Variants in OGDHL observed in about 807,000 individuals in gnomAD.
OGDHL encodes oxoglutarate dehydrogenase L, also known as 2-oxoglutarate dehydrogenase-like, mitochondrial.
A neutral mutation model predicts 109.6 loss-of-function variants in OGDHL; 79 were observed. The ratio of observed to expected loss-of-function variants is 0.72; its 90% CI spans 0.60 to 0.87. OGDHL has a LOEUF of 0.87. Among genes scored for constraint, OGDHL ranks in the 40% least tolerant of loss-of-function variants. The probability of loss-of-function intolerance (pLI) is 0.00; values close to 1 mark genes in which losing one functional copy is unlikely to be tolerated. For missense variants in OGDHL, 1,275 were observed against 1,362.2 expected (o/e 0.94, Z 1.01); for synonymous variants, 528 against 537.2 (o/e 0.98, Z 0.24).
At chr10:49,755,776 T>C (rs576439739) in intron 3 of OGDHL, among the ~76,000 whole-genome samples, 3 of 152,356 alleles carry the variant, frequency 2.0e-5, no homozygotes, top group Admixed American at 2.0e-4. Flanking sequence ...GATCTGTGCT[T>C]AGAAGATAAG....
intron 8 of OGDHL, among the ~76,000 whole-genome samples, chr10:49,748,814 T>C (rs1021564584): frequency 6.8e-6 from 1 of 146,894 alleles, no homozygotes; most frequent in Non-Finnish European, 1.5e-5. Context: ...GCAGGAGAGA[T>C]AGTCCTGAGG....
chr10:49,738,136 G>T (rs1841353146), intron 18 of OGDHL, 55 bp downstream of exon 18: 1 of 1,613,908 alleles, frequency 6.2e-7, no homozygotes, highest in Admixed American at 1.7e-5. Flanking sequence ...TGGACCCCTA[G>T]CCCTGTGGGC....
At chr10:49,753,543 C>T (rs1236147562) in intron 3 of OGDHL, among the ~76,000 whole-genome samples, 1 of 152,060 alleles carries the variant, frequency 6.6e-6, no homozygotes. Context: ...TAAAGACAAA[C>T]AGAAAAAAAT....
Position 49,739,857 on chromosome 10 carries a change from T to C in OGDHL, c.2141-18A>G, listed in dbSNP as rs1011588253. On this transcript the variant is annotated intron_variant, in intron 16 of 22. Transcript: ENST00000374103. The stretch of plus-strand genomic sequence containing the variant: ...CTCAAAGCCTAAACAGAAGACAAGA[T>C]AGAGCTTGCTGCACACAGTCACCAA... The C allele has an allele frequency of 1.2e-6, 2 of 1,605,890 alleles. No individual in the cohort carries two copies. Among genetic ancestry groups the C allele is most frequent in the East Asian group, 2.2e-5 (1 of 44,722 alleles).
chr10:49,750,345 G>A (rs767658105), intron 7 of OGDHL, among the ~76,000 whole-genome samples: 9 of 152,102 alleles, frequency 5.9e-5, no homozygotes, highest in Admixed American at 3.9e-4. Flanking sequence ...CAGAGGTAAC[G>A]CCCCACTGCT....
At chr10:49,747,255 G>C in intron 8 of OGDHL, 47 bp from the exon 9 acceptor site, 1 of 1,591,966 alleles carries the variant, frequency 6.3e-7, no homozygotes, top group Non-Finnish European at 8.6e-7. Flanking sequence ...TCCCACATCA[G>C]ACAGGCAGAT....
intron 1 of OGDHL, among the ~76,000 whole-genome samples, chr10:49,761,620 C>T (rs1382658348): frequency 6.6e-6 from 1 of 152,184 alleles, no homozygotes; most frequent in Non-Finnish European, 1.5e-5. Context: ...GGCCGAGGGG[C>T]GTCAAAGGGT....
At chr10:49,742,748 AG>A in intron 15 of OGDHL, 79 bp downstream of exon 15, 2 of 1,501,410 alleles carry the variant, frequency 1.3e-6, no homozygotes, top group South Asian at 2.6e-5. Context: ...ACCCCAACAA[AG>A]GCCCCCTCGG....
chr10:49,751,896 G>A lies in OGDHL; in HGVS notation c.680C>T (p.Thr227Ile), dbSNP rs779521749. 6.2e-7 allele frequency: 1 copy of A among 1,614,168 alleles called. No homozygotes were observed. The highest frequency in any genetic ancestry group is 1.7e-5 in the Admixed American group (1 of 60,018). The change falls in exon 6 of 23, where the codon ACC becomes ATC. Residue 227 changes from threonine (T) to isoleucine (I), a missense_variant. Coordinates refer to ENST00000374103, the MANE Select transcript of OGDHL (RefSeq NM_018245.3). ...GCTGGAGAACTGCATCACACCAGGG[G>A]TCTCAAACTTCTGCCGGATCCACTG... ...QCQWIRQKFE[T>I]PGVMQFSSEE...
intron 16 of OGDHL, among the ~76,000 whole-genome samples, chr10:49,740,369 TGA>T (rs1564527533): frequency 6.6e-6 from 1 of 152,052 alleles, no homozygotes; most frequent in Non-Finnish European, 1.5e-5. Flanking sequence ...CAAAGGAATG[TGA>T]GAGGGCTGGG....
At chr10:49,744,232 G>C in intron 13 of OGDHL, 110 bp from the exon 14 acceptor site, 1 of 1,392,622 alleles carries the variant, frequency 7.2e-7, no homozygotes, top group South Asian at 1.4e-5. Context: ...AACTCCACCG[G>C]CACTCGGACT....
chr10:49,740,655 C>T, intron 16 of OGDHL, 55 bp downstream of exon 16: 1 of 1,582,702 alleles, frequency 6.3e-7, no homozygotes, highest in East Asian at 2.3e-5. Context: ...CCCAGCCCAT[C>T]TCTTGTCCCC....
rs755006723 is a variant in OGDHL at position 49,744,049 on chromosome 10, G to A, written c.1806C>T (p.Thr602=). 2.5e-6 allele frequency: 4 copies of A among 1,614,128 alleles called. No homozygotes were observed. The South Asian group carries it at 3.3e-5, about 13-fold the overall frequency. The change falls in exon 14 of 23, where the codon ACC becomes ACT. Residue 602 remains threonine, a synonymous_variant. Transcript: ENST00000374103. The part of the protein sequence containing the change: ...PATGIPEDML[T]HIGSVASSVP... ...CAGAGCTGGCCACACTGCCGATGTG[G>A]GTGAGCATGTCCTCAGGGATCCCCG...
rs750746877 is a variant in OGDHL at position 49,746,909 on chromosome 10, G to A, written c.1168-31C>T. The A allele has an allele frequency of 3.7e-5, 59 of 1,613,572 alleles. No homozygotes were observed. The South Asian group carries it at 3.7e-4, about 10-fold the overall frequency. ...GGGCAGGTGTGAGCCAGGAGGGGCT[G>A]CGTGCCCCAGCCCATGTAGCCCAGC... On this transcript the variant is annotated intron_variant, in intron 9 of 22. Coordinates refer to ENST00000374103, the MANE Select transcript of OGDHL (RefSeq NM_018245.3).
At chr10:49,754,660 C>A (rs1842810776) in intron 3 of OGDHL, among the ~76,000 whole-genome samples, 1 of 141,194 alleles carries the variant, frequency 7.1e-6, no homozygotes, top group Admixed American at 7.7e-5. Context: ...ACCATCACCA[C>A]CAGGAAGCTG....
chr10:49,745,383 C>T lies in OGDHL; in HGVS notation c.1590G>A (p.Lys530=). 1.2e-6 allele frequency: 2 copies of T among 1,614,144 alleles called. No individual in the cohort carries two copies. The highest frequency in any genetic ancestry group is 1.7e-6 in the Non-Finnish European group (2 of 1,180,038). Residue 530 remains lysine, a synonymous_variant, in exon 12 of 23, where the codon AAG becomes AAA. Coordinates refer to ENST00000374103, the MANE Select transcript of OGDHL (RefSeq NM_018245.3). The stretch of plus-strand genomic sequence containing the variant: ...GGGTGACTGTGCCCTCGGCAATCAG[C>T]TTGTCTGCGTACTTCTTCAGCACAG... ...QVPVLKKYAD[K]LIAEGTVTLQ...
At chr10:49,746,660 C>T in intron 10 of OGDHL, 90 bp downstream of exon 10, 1 of 1,532,570 alleles carries the variant, frequency 6.5e-7, no homozygotes, top group African/African-American at 1.4e-5. Context: ...GGGCTCAGAG[C>T]CAGGAGCATC....
rs1319560978 is a variant in OGDHL at position 49,735,276 on chromosome 10, A to C, written c.2985T>G (p.Phe995Leu). 4 of 1,614,072 alleles carry C rather than the reference A, an allele frequency of 2.5e-6. No homozygotes were observed. The highest frequency in any genetic ancestry group is 2.5e-6 in the Non-Finnish European group (3 of 1,180,012). ...RNTHLVSLKK[F>L]LDTAFNLQAF... is the part of the protein sequence containing the mutation. ...CCTGGAGATTGAAGGCAGTATCCAG[A>C]AACTTCTTCAGTGACACCAGGTGAG... Residue 995 changes from phenylalanine to leucine, a missense_variant, in exon 23 of 23, where the codon TTT becomes TTG. Phe to Leu is a conservative substitution (Grantham distance 22). Transcript: ENST00000374103.
chr10:49,740,615 G>A (rs1186642519), intron 16 of OGDHL, 95 bp downstream of exon 16: 21 of 1,452,190 alleles, frequency 1.4e-5, no homozygotes, highest in South Asian at 1.1e-4. Flanking sequence ...AGCATCTCTC[G>A]CCCCTCCCAG....
Sources: allele counts gnomAD v4.1 joint callset (sites outside exome capture counted in the v4.1 genomes callset), GRCh38; gene constraint gnomAD v4.1.1; transcripts MANE v1.5; gene names NCBI Gene and HGNC (gene_info 2026-07-23, HGNC 2026-07-21).